Variants in HECW2 observed in about 807,000 individuals in gnomAD.
HECW2 encodes the protein HECT, C2 and WW domain containing E3 ubiquitin protein ligase 2, also known as E3 ubiquitin-protein ligase HECW2.
HECW2 carries 61 observed loss-of-function variants against 175.2 expected under a neutral mutation model. The observed-to-expected ratio is 0.35, with a 90% CI of 0.28 to 0.43. HECW2 has a LOEUF of 0.43. Ranked by LOEUF, HECW2 falls within the 20% of genes least tolerant of loss-of-function variation. HECW2 has a pLI of 1.00. For missense variants in HECW2, 1,524 were observed against 2,000.5 expected (o/e 0.76, Z 4.54); for synonymous variants, 671 against 731.0 (o/e 0.92, Z 1.32).
intron 17 of HECW2, chr2:196,269,308 A>C (rs1315509845): frequency 6.6e-6 from 1 of 152,046 alleles, no homozygotes; most frequent in African/African-American, 2.4e-5. Context: ...AACATGGTGA[A>C]ATCCCGTCTC....
chr2:196,371,059 T>C (rs1693895632), intron 2 of HECW2, among the ~76,000 whole-genome samples: 1 of 152,172 alleles, frequency 6.6e-6, no homozygotes, highest in South Asian at 2.1e-4. Flanking sequence ...TTCAATTTGG[T>C]GTTACTGTAA....
intron 13 of HECW2, among the ~76,000 whole-genome samples, chr2:196,299,942 A>T (rs1301940772): frequency 1.4e-5 from 2 of 139,396 alleles, no homozygotes; most frequent in Admixed American, 7.4e-5. Context: ...AAAAAAAAAA[A>T]ATTCCCGCAG....
At chr2:196,263,721 A>G (rs1045938893) in intron 17 of HECW2, 4 of 152,236 alleles carry the variant, frequency 2.6e-5, no homozygotes, top group African/African-American at 9.6e-5. Flanking sequence ...GGACCCAGAG[A>G]TATGAAATTA....
intron 1 of HECW2, among the ~76,000 whole-genome samples, chr2:196,523,103 C>A (rs545385924): frequency 6.6e-6 from 1 of 151,902 alleles, no homozygotes; most frequent in African/African-American, 2.4e-5. Context: ...ATTCTTCCTA[C>A]CCATGAGCAT....
chr2:196,424,255 C>T (rs1695482831), intron 2 of HECW2, among the ~76,000 whole-genome samples: 1 of 151,900 alleles, frequency 6.6e-6, no homozygotes, highest in African/African-American at 2.4e-5. Context: ...TTCCACTGAC[C>T]CAACGATCCT....
At chr2:196,446,838 C>T (rs184027115) in intron 1 of HECW2, among the ~76,000 whole-genome samples, 1 of 152,248 alleles carries the variant, frequency 6.6e-6, no homozygotes, top group East Asian at 1.9e-4. Context: ...GAGTGTCAAA[C>T]CTGCCTGGTT....
At chr2:196,342,811 A>G (rs1692806706) in intron 3 of HECW2, among the ~76,000 whole-genome samples, 1 of 152,190 alleles carries the variant, frequency 6.6e-6, no homozygotes, top group Non-Finnish European at 1.5e-5. Flanking sequence ...AAAAATTATA[A>G]TGAGATATTT....
At chr2:196,429,765 G>A (rs1318729227) in intron 2 of HECW2, among the ~76,000 whole-genome samples, 1 of 152,164 alleles carries the variant, frequency 6.6e-6, no homozygotes, top group Non-Finnish European at 1.5e-5. Flanking sequence ...CTTGGATACA[G>A]AGATCTGAGT....
At chr2:196,432,104 T>A (rs1695730425) in intron 2 of HECW2, among the ~76,000 whole-genome samples, 1 of 151,950 alleles carries the variant, frequency 6.6e-6, no homozygotes, top group Non-Finnish European at 1.5e-5. Flanking sequence ...CCTGGCTTCA[T>A]ATCCCCCTAC....
At chr2:196,370,819 A>G (rs1316247125) in intron 2 of HECW2, among the ~76,000 whole-genome samples, 1 of 152,036 alleles carries the variant, frequency 6.6e-6, no homozygotes, top group African/African-American at 2.4e-5. Context: ...CAGCATTTCA[A>G]TGCAAAGTCC....
chr2:196,381,485 C>G (rs1048219296), intron 2 of HECW2, among the ~76,000 whole-genome samples: 2 of 152,150 alleles, frequency 1.3e-5, no homozygotes, highest in Non-Finnish European at 2.9e-5. Flanking sequence ...TCAAGCAGGT[C>G]ACTGGTTTCT....
chr2:196,284,479 TGA>T (rs1448739858), intron 14 of HECW2, among the ~76,000 whole-genome samples: 2 of 152,224 alleles, frequency 1.3e-5, no homozygotes, highest in Non-Finnish European at 2.9e-5. Context: ...TCCCTTGGTG[TGA>T]GTTTTGGCTC....
At chr2:196,523,958 C>T (rs1428824229) in intron 1 of HECW2, among the ~76,000 whole-genome samples, 1 of 152,098 alleles carries the variant, frequency 6.6e-6, no homozygotes, top group South Asian at 2.1e-4. Context: ...GTGTCTCTGC[C>T]CGGCTTTGGT....
At chr2:196,231,715 G>A (rs1688062537) in intron 21 of HECW2, among the ~76,000 whole-genome samples, 1 of 152,226 alleles carries the variant, frequency 6.6e-6, no homozygotes, top group Non-Finnish European at 1.5e-5. Context: ...ATGGGCGGGG[G>A]CAGTGGCTCA....
intron 21 of HECW2, among the ~76,000 whole-genome samples, chr2:196,234,554 C>A (rs946128380): frequency 6.6e-6 from 1 of 152,112 alleles, no homozygotes; most frequent in African/African-American, 2.4e-5. Flanking sequence ...CTTGGCCTCC[C>A]AAAGTGCTGG....
At chr2:196,538,645 A>C (rs994455846) in intron 1 of HECW2, among the ~76,000 whole-genome samples, 1 of 152,174 alleles carries the variant, frequency 6.6e-6, no homozygotes, top group Non-Finnish European at 1.5e-5. Flanking sequence ...TGTAAGAAAA[A>C]AATGACTTGT....
At chr2:196,279,947 C>T (rs1435329822) in intron 14 of HECW2, among the ~76,000 whole-genome samples, 1 of 152,204 alleles carries the variant, frequency 6.6e-6, no homozygotes, top group African/African-American at 2.4e-5. Context: ...CTCAGCATTG[C>T]AGTAAGATGG....
In HECW2 at chr2:196,293,964, G is replaced by A. The variant is rs1690706174; in HGVS notation, c.2815-1214C>T. Among the ~76,000 whole-genome samples, 6 of 152,160 alleles carry A rather than the reference G, an allele frequency of 3.9e-5. No homozygotes were observed. The South Asian group carries it at 1.2e-3, about 32-fold the overall frequency. The stretch of plus-strand genomic sequence containing the variant: ...TTTTAGAATCTCACCCTTCATAGAG[G>A]CATATAAGCTTGGTGAATGGAATAG... On this transcript the variant is annotated intron_variant, in intron 13 of 28. Transcript: ENST00000644978.
chr2:196,276,419 A>G (rs1220453199), intron 15 of HECW2, among the ~76,000 whole-genome samples: 1 of 152,200 alleles, frequency 6.6e-6, no homozygotes, highest in African/African-American at 2.4e-5. Flanking sequence ...TTTAAGGTAG[A>G]GGGGTTGAAA....
Sources: allele counts gnomAD v4.1 joint callset (sites outside exome capture counted in the v4.1 genomes callset), GRCh38; gene constraint gnomAD v4.1.1; transcripts MANE v1.5; gene names NCBI Gene and HGNC (gene_info 2026-07-23, HGNC 2026-07-21).